HDAC9: variants seen among roughly 807,000 people sequenced by gnomAD.
HDAC9 encodes the protein histone deacetylase 9, also known as MEF-2 interacting transcription repressor (MITR) protein.
HDAC9 carries 41 observed loss-of-function variants against 139.4 expected under a neutral mutation model. The observed-to-expected ratio is 0.29, with a 90% CI of 0.23 to 0.38. The LOEUF (loss-of-function observed/expected upper bound fraction) is 0.38. HDAC9 is among the 10% of genes least tolerant of loss of function. HDAC9 has a pLI of 1.00. For missense variants in HDAC9, 1,147 were observed against 1,297.0 expected, an observed-to-expected ratio of 0.88 and a Z score of 1.78; for synonymous variants, 517 against 476.2, an observed-to-expected ratio of 1.09 and a Z score of -1.12.
chr7:18,827,664 C>G (rs1795556546), intron 17 of HDAC9, among the ~76,000 whole-genome samples: 1 of 152,074 alleles, frequency 6.6e-6, no homozygotes, highest in Admixed American at 6.5e-5. Context: ...ACCTTTAACC[C>G]ATTAAACATA....
rs188346718 is a variant in HDAC9 at position 18,876,018 on chromosome 7, A to G, written c.2803+1422A>G. Among the ~76,000 whole-genome samples, 1,109 of 152,274 alleles carry G rather than the reference A, an allele frequency of 7.3e-3. 2 individuals are homozygous for G. The highest frequency in any genetic ancestry group is 0.012 in the Non-Finnish European group (847 of 68,008). Reference sequence around the variant, plus strand: ...TATGTTTAGTCTTTCTCCTTGCCACAGGGAAAGGTTGTAACAAGACTCTTC... The same window carrying G: ...TATGTTTAGTCTTTCTCCTTGCCACGGGGAAAGGTTGTAACAAGACTCTTC... On this transcript the variant is annotated intron_variant, in intron 22 of 25. Transcript: ENST00000686413.
chr7:18,195,977 A>G (rs748473224), intron 2 of HDAC9, among the ~76,000 whole-genome samples: 2 of 151,936 alleles, frequency 1.3e-5, no homozygotes, highest in African/African-American at 2.4e-5. Context: ...TACCAGGATA[A>G]CCGATTTTCT....
chr7:18,591,834 G>A (rs1178180538), intron 5 of HDAC9, among the ~76,000 whole-genome samples, 192 bp downstream of exon 5: 2 of 152,108 alleles, frequency 1.3e-5, no homozygotes, highest in Non-Finnish European at 2.9e-5. Context: ...CTCTAGGGTT[G>A]CTGGCACGGT....
chr7:18,103,589 C>G (rs1003736682), intron 1 of HDAC9, among the ~76,000 whole-genome samples: 2 of 152,032 alleles, frequency 1.3e-5, no homozygotes, highest in Non-Finnish European at 1.5e-5. Context: ...TCTAACTAAG[C>G]CACTGTTATT....
upstream of HDAC9, among the ~76,000 whole-genome samples, chr7:18,288,085 T>C (rs1797571013): frequency 6.6e-6 from 1 of 152,226 alleles, no homozygotes; most frequent in Non-Finnish European, 1.5e-5. Flanking sequence ...CTTTGGAAGG[T>C]TTACTGTGCA....
rs902426125 is a variant in HDAC9, at chr7:18,254,447, T to C, written c.25+92098T>C. 4.6e-5 allele frequency among the ~76,000 whole-genome samples: 7 copies of C among 152,348 alleles called. No individual in the cohort carries two copies. In the East Asian group the frequency reaches 5.8e-4, roughly 13 times the overall value. On this transcript the variant is annotated intron_variant, in intron 2 of 12. Coordinates refer to the HDAC9 transcript ENST00000417496. ...TATATATGAGGGTGTTTGTGAAATA[T>C]TAATTGCTAAACAAGTTTTCTTTCA...
intron 1 of HDAC9, among the ~76,000 whole-genome samples, chr7:18,387,194 G>C (rs932656169): frequency 4.6e-5 from 7 of 152,270 alleles, no homozygotes; most frequent in Admixed American, 1.3e-4. Context: ...CTATGTTTCA[G>C]CATGGGCTGG....
At chr7:18,727,444 A>ATT in intron 12 of HDAC9, 136 bp from the exon 13 acceptor site, 5 of 630,430 alleles carry the variant, frequency 7.9e-6, no homozygotes, top group Non-Finnish European at 1.0e-5. Context: ...CCCTTTCTCT[A>ATT]TTTTTTTTTT....
intron 1 of HDAC9, among the ~76,000 whole-genome samples, chr7:18,389,300 T>C (rs1257003364): frequency 6.6e-6 from 1 of 152,164 alleles, no homozygotes; most frequent in Non-Finnish European, 1.5e-5. Flanking sequence ...CAGTGGATAA[T>C]CACAATAATA....
At chr7:18,142,799 C>G (rs1198917782) in intron 1 of HDAC9, among the ~76,000 whole-genome samples, 1 of 152,170 alleles carries the variant, frequency 6.6e-6, no homozygotes, top group Non-Finnish European at 1.5e-5. Flanking sequence ...CGTGGCGGGT[C>G]AAGACTATTC....
At chr7:18,817,228 G>C (rs1192993176) in intron 17 of HDAC9, among the ~76,000 whole-genome samples, 2 of 151,980 alleles carry the variant, frequency 1.3e-5, no homozygotes, top group Non-Finnish European at 2.9e-5. Flanking sequence ...GTAGAGACGG[G>C]TTTCACCGTG....
At chr7:18,094,191 C>A (rs1004699728) in intron 1 of HDAC9, among the ~76,000 whole-genome samples, 7 of 152,124 alleles carry the variant, frequency 4.6e-5, no homozygotes, top group African/African-American at 1.7e-4. Flanking sequence ...AGGTGTCCAC[C>A]CTTCTAGAAT....
At chr7:18,326,658 A>G (rs1160451375) in intron 1 of HDAC9, among the ~76,000 whole-genome samples, 1 of 152,032 alleles carries the variant, frequency 6.6e-6, no homozygotes, top group Non-Finnish European at 1.5e-5. Flanking sequence ...TGGATTTATC[A>G]TCACTTTTAA....
At chr7:18,536,434 G>A (rs1330859399) in intron 2 of HDAC9, among the ~76,000 whole-genome samples, 2 of 152,068 alleles carry the variant, frequency 1.3e-5, no homozygotes, top group African/African-American at 2.4e-5. Flanking sequence ...ATTTAGATTT[G>A]GAGAACAATT....
chr7:18,574,550 T>G (rs1825387277), intron 2 of HDAC9, among the ~76,000 whole-genome samples: 2 of 152,250 alleles, frequency 1.3e-5, no homozygotes, highest in Middle Eastern at 3.4e-3. Context: ...CCAGGTACCC[T>G]CCCCTTTCTG....
intron 13 of HDAC9, among the ~76,000 whole-genome samples, chr7:18,741,296 A>C (rs1471904450): frequency 1.3e-5 from 2 of 152,228 alleles, no homozygotes; most frequent in African/African-American, 4.8e-5. Context: ...TTAGAGGCTA[A>C]TGCAGCTAGT....
At position 18,975,880 on chromosome 7, in the gene HDAC9, G is replaced by A. The variant is rs775226865; in HGVS notation, c.3097G>A (p.Glu1033Lys). ...TCTGGCTGGTGCTCAGTTGCAAGAG[G>A]AGACAGAGACCGTTTCTGCCCTGGC... ...CALAGAQLQE[E>K]TETVSALASL... The change falls in exon 25 of 26, where the codon GAG becomes AAG. Residue 1033 changes from glutamate (E) to lysine (K), a missense_variant. This residue lies in a region of HDAC9 where 407 missense variants were observed against 521.5 expected (regional missense o/e 0.78). Transcript: ENST00000686413. The A allele has an allele frequency of 6.2e-7, 1 of 1,613,914 alleles. No individual in the cohort carries two copies. The highest frequency in any genetic ancestry group is 8.5e-7 in the Non-Finnish European group (1 of 1,179,848).
At chr7:18,430,585 G>A (rs1396261808) in intron 1 of HDAC9, 1 of 152,082 alleles carries the variant, frequency 6.6e-6, no homozygotes, top group African/African-American at 2.4e-5. Flanking sequence ...GTTTCATTAA[G>A]TAAAACCCTC....
rs1326576973 is a variant in HDAC9 at position 18,855,486 on chromosome 7, C to G, written c.2685-18992C>G. 2.0e-5 allele frequency among the ~76,000 whole-genome samples: 3 copies of G among 151,912 alleles called. No homozygotes were observed. In the East Asian group the frequency reaches 5.8e-4, roughly 30 times the overall value. On this transcript the variant is annotated intron_variant, in intron 21 of 25. Transcript: ENST00000686413. ...GCTAGAGTCTTTTGCTTTAAGTCTT[C>G]ATCATGAGCATGCCTTTCCTGCTTG...
Sources: allele counts gnomAD v4.1 joint callset (sites outside exome capture counted in the v4.1 genomes callset), GRCh38; gene constraint gnomAD v4.1.1; regional missense constraint gnomAD v4.1.1; transcripts MANE v1.5; gene names NCBI Gene and HGNC (gene_info 2026-07-23, HGNC 2026-07-21).